TRIM66: variants seen among roughly 807,000 people sequenced by gnomAD.
The protein encoded by TRIM66 is tripartite motif containing 66.
In TRIM66, 99 loss-of-function variants were observed where a neutral mutation model predicts 148.2. The ratio of observed to expected loss-of-function variants is 0.67; its 90% CI spans 0.57 to 0.79. The LOEUF is 0.79. Ranked by LOEUF, TRIM66 falls within the 30% of genes least tolerant of loss-of-function variation. The probability of loss-of-function intolerance (pLI) is 0.00; values close to 1 mark genes in which losing one functional copy is unlikely to be tolerated. For synonymous variants in TRIM66, 616 were observed against 635.9 expected, an observed-to-expected ratio of 0.97 and a Z score of 0.47; for missense variants, 1,666 against 1,697.9, an observed-to-expected ratio of 0.98 and a Z score of 0.33.
rs2034654638 is a variant in TRIM66 at position 8,624,830 on chromosome 11, G to T, written c.2709C>A (p.Ile903=). The T allele has an allele frequency of 1.9e-6, 3 of 1,551,746 alleles. No individual in the cohort carries two copies. The highest frequency in any genetic ancestry group is 2.6e-6 in the Non-Finnish European group (3 of 1,147,008). Residue 903 remains isoleucine, a synonymous_variant, in exon 16 of 25, where the codon ATC becomes ATA. Coordinates refer to ENST00000646038, the MANE Select transcript of TRIM66 (RefSeq NM_001388022.1). ...PSLATCPLQS[I]PPVSDMQPET... ...CTGGCTGCATGTCAGAAACTGGAGGGATGCTCTGCAGAGGACAAGTTGCCA... is the reference window on the plus strand; with the variant it reads ...CTGGCTGCATGTCAGAAACTGGAGGTATGCTCTGCAGAGGACAAGTTGCCA...
chr11:8,645,046 T>G (rs2036728563), intron 12 of TRIM66, among the ~76,000 whole-genome samples: 1 of 152,244 alleles, frequency 6.6e-6, no homozygotes, highest in African/African-American at 2.4e-5. Flanking sequence ...CTGTCTATGC[T>G]GAAAATGACG....
At chr11:8,627,695 G>A (rs1447185693) in intron 15 of TRIM66, among the ~76,000 whole-genome samples, 1 of 152,178 alleles carries the variant, frequency 6.6e-6, no homozygotes, top group East Asian at 1.9e-4. Flanking sequence ...TCTCTTTATT[G>A]TTTGTGTACT....
chr11:8,627,339 A>C (rs2034951124), intron 15 of TRIM66, among the ~76,000 whole-genome samples: 1 of 152,246 alleles, frequency 6.6e-6, no homozygotes, highest in Non-Finnish European at 1.5e-5. Flanking sequence ...CTGACAACTT[A>C]GTCTATGAGT....
intron 4 of TRIM66, among the ~76,000 whole-genome samples, chr11:8,673,841 C>G (rs2039057102): frequency 6.6e-6 from 1 of 152,168 alleles, no homozygotes; most frequent in Non-Finnish European, 1.5e-5. Context: ...TAATTCAAAT[C>G]TGGGTCTTGG....
intron 24 of TRIM66, among the ~76,000 whole-genome samples, chr11:8,618,447 G>C (rs4929947): frequency 0.57 from 86,492 of 152,016 alleles, 25,149 homozygotes; most frequent in Non-Finnish European, 0.63. Context: ...TCACAGTGTG[G>C]AGTAACCAGC....
Position 8,648,560 on chromosome 11 carries a change from G to A in TRIM66, c.593-12C>T. The A allele has an allele frequency of 6.4e-7, 1 of 1,551,472 alleles. No individual in the cohort carries two copies. The highest frequency in any genetic ancestry group is 1.2e-5 in the South Asian group (1 of 84,036). ...ACCACCATTCACTCCTGCCAGAGAA[G>A]ACAGAGAAAGTGAGCTTCTCTTGCT... On this transcript the variant is annotated splice_polypyrimidine_tract_variant and intron_variant, in intron 8 of 24. Transcript: ENST00000646038.
chr11:8,621,615 G>A (rs1489238591), intron 19 of TRIM66, 30 bp downstream of exon 19: 1 of 1,494,000 alleles, frequency 6.7e-7, no homozygotes, highest in East Asian at 2.5e-5. Context: ...CTGGGCCAGG[G>A]TTTAAGGCCA....
At chr11:8,651,690 G>C (rs372652616) in intron 7 of TRIM66, 110 bp downstream of exon 7, 3 of 895,552 alleles carry the variant, frequency 3.3e-6, no homozygotes, top group East Asian at 2.6e-5. Context: ...AAAACTGATG[G>C]AGAAGTAACA....
chr11:8,622,972 G>A (rs764727405), intron 17 of TRIM66, 96 bp from the exon 18 acceptor site: 94 of 1,098,050 alleles, frequency 8.6e-5, no homozygotes, highest in Non-Finnish European at 1.2e-4. Context: ...TCATACCTTT[G>A]GCCACACATC....
chr11:8,678,322 A>G (rs987156509), intron 3 of TRIM66, among the ~76,000 whole-genome samples: 1 of 152,364 alleles, frequency 6.6e-6, no homozygotes, highest in East Asian at 1.9e-4. Flanking sequence ...CTGAAAATAA[A>G]TTATTCTTCA....
rs183065153 is a variant in TRIM66, at chr11:8,640,460, C to T, written c.1915G>A (p.Glu639Lys). ...PSQHLASSQHESPPGPACSQN... is the reference protein window; with the variant it reads ...PSQHLASSQHKSPPGPACSQN... ...GAACAGGCAGGGCCAGGAGGGCTCTCGTGCTGACTAGAAGCCAGATGCTGG... is the reference window on the plus strand; with the variant it reads ...GAACAGGCAGGGCCAGGAGGGCTCTTGTGCTGACTAGAAGCCAGATGCTGG... Residue 639 changes from glutamate (E) to lysine (K), a missense_variant, in exon 14 of 25, where the codon GAG becomes AAG. Glu to Lys is a moderately conservative substitution (Grantham distance 56). This residue lies in a region of TRIM66 where 1,431 missense variants were observed against 1,412.4 expected (regional missense o/e 1.01). Transcript: ENST00000646038. 4.7e-3 allele frequency: 7,200 copies of T among 1,544,706 alleles called. 29 individuals carry two copies. Among genetic ancestry groups the T allele is most frequent in the Non-Finnish European group, 5.4e-3 (6,164 of 1,143,998 alleles).
At chr11:8,639,049 T>C (rs1353578902) in intron 14 of TRIM66, among the ~76,000 whole-genome samples, 1 of 152,258 alleles carries the variant, frequency 6.6e-6, no homozygotes, top group Non-Finnish European at 1.5e-5. Context: ...TGAGCTAATT[T>C]TGTGATATTC....
chr11:8,633,996 T>C (rs1474664531), intron 15 of TRIM66, among the ~76,000 whole-genome samples: 1 of 152,156 alleles, frequency 6.6e-6, no homozygotes, highest in Non-Finnish European at 1.5e-5. Flanking sequence ...TTCTGTATCA[T>C]TTACTGGAAA....
chr11:8,676,568 T>C (rs2039187486), intron 3 of TRIM66, among the ~76,000 whole-genome samples: 1 of 152,158 alleles, frequency 6.6e-6, no homozygotes. Context: ...AGGGTAAGAA[T>C]ATAAAGAAAC....
At chr11:8,681,720 G>A (rs774136196) in intron 1 of TRIM66, among the ~76,000 whole-genome samples, 1 of 151,928 alleles carries the variant, frequency 6.6e-6, no homozygotes, top group Non-Finnish European at 1.5e-5. Context: ...GTTGAGTGTG[G>A]ATTAAAAAAA....
chr11:8,618,208 C>G (rs2033857231), intron 24 of TRIM66, among the ~76,000 whole-genome samples: 1 of 152,196 alleles, frequency 6.6e-6, no homozygotes, highest in Non-Finnish European at 1.5e-5. Flanking sequence ...CCCTGGCACA[C>G]AGTAGGCAGG....
intron 6 of TRIM66, among the ~76,000 whole-genome samples, chr11:8,655,843 A>T (rs2037782221): frequency 6.6e-6 from 1 of 152,188 alleles, no homozygotes; most frequent in Non-Finnish European, 1.5e-5. Flanking sequence ...GCAAGATAGG[A>T]AGGAACAGAC....
chr11:8,682,388 A>C, intron 1 of TRIM66: 1 of 214,954 alleles, frequency 4.7e-6, no homozygotes, highest in Non-Finnish European at 9.6e-6. Flanking sequence ...GCAGACCACT[A>C]AGAACTGTGG....
rs1335310971 is a variant in TRIM66, at chr11:8,633,982, C to T, written c.2310+4672G>A. 2.6e-5 allele frequency among the ~76,000 whole-genome samples: 4 copies of T among 152,156 alleles called. No homozygotes were observed. In the South Asian group the frequency reaches 6.2e-4, roughly 24 times the overall value. On this transcript the variant is annotated intron_variant, in intron 15 of 24. Coordinates refer to ENST00000646038, the MANE Select transcript of TRIM66 (RefSeq NM_001388022.1). ...ATAATCTGCATCACAGGAATGCCTA[C>T]CGCTTCTGTATCATTTACTGGAAAT... is the stretch of plus-strand genomic sequence containing the variant.
Sources: allele counts gnomAD v4.1 joint callset (sites outside exome capture counted in the v4.1 genomes callset), GRCh38; gene constraint gnomAD v4.1.1; regional missense constraint gnomAD v4.1.1; transcripts MANE v1.5; gene names NCBI Gene and HGNC (gene_info 2026-07-23, HGNC 2026-07-21).